LRRC56: variants seen among roughly 807,000 people sequenced by gnomAD.
LRRC56 encodes the protein leucine-rich repeat-containing protein 56.
In LRRC56, 41 loss-of-function variants were observed where a neutral mutation model predicts 47.8. That is an observed-to-expected ratio of 0.86 (90% confidence interval 0.67 to 1.11). LRRC56 has a LOEUF of 1.11. LRRC56 is among the 50% of genes most tolerant of loss of function. The pLI, the probability that LRRC56 is intolerant of heterozygous loss-of-function variation, is 0.00. For synonymous variants in LRRC56, 387 were observed against 311.2 expected (o/e 1.24, Z -2.56); for missense variants, 759 against 704.2 (o/e 1.08, Z -0.88).
Position 552,076 on chromosome 11 carries a change from CT to C in LRRC56, c.1039-10del. On this transcript the variant is annotated splice_polypyrimidine_tract_variant and intron_variant, in intron 11 of 13. Transcript: ENST00000270115. ...AGGGCCAGAATCCCTAAAGCAGTCC[CT>C]TTTCCTCCCCAGGCCAGGGAGCCCC... is the stretch of plus-strand genomic sequence containing the variant. 1 of 1,608,616 alleles carries C rather than the reference CT, an allele frequency of 6.2e-7. No individual in the cohort carries two copies. Among genetic ancestry groups the C allele is most frequent in the East Asian group, 2.2e-5 (1 of 44,740 alleles).
At chr11:510,770 G>A in the LRRC56 span, among the ~76,000 whole-genome samples, 5 of 151,294 alleles carry the variant, frequency 3.3e-5, no homozygotes, top group Admixed American at 1.3e-4. Flanking sequence ...TGAGCTGGGC[G>A]TGGTGGCCTG....
chr11:526,048 G>C, the LRRC56 span, among the ~76,000 whole-genome samples: 2 of 150,870 alleles, frequency 1.3e-5, no homozygotes, highest in Non-Finnish European at 3.0e-5. Flanking sequence ...TCTACTAAAA[G>C]TATAAAAAAT....
upstream of LRRC56, chr11:534,073 C>T: frequency 1.7e-6 from 2 of 1,183,172 alleles, no homozygotes; most frequent in Admixed American, 1.8e-5. Context: ...AGACGAGGGA[C>T]TCCCCTCCTC....
chr11:545,319 C>G (rs1297586326), intron 6 of LRRC56, among the ~76,000 whole-genome samples: 1 of 152,236 alleles, frequency 6.6e-6, no homozygotes, highest in African/African-American at 2.4e-5. Flanking sequence ...CAAAGCCAAC[C>G]AAGGACTGGG....
chr11:521,732 A>G, the LRRC56 span, among the ~76,000 whole-genome samples: 31 of 152,220 alleles, frequency 2.0e-4, no homozygotes, highest in Admixed American at 2.6e-4. Context: ...GGCTAACACG[A>G]TGAAACCCCG....
At chr11:521,680 C>T in the LRRC56 span, among the ~76,000 whole-genome samples, 2 of 152,108 alleles carry the variant, frequency 1.3e-5, no homozygotes, top group African/African-American at 2.4e-5. Flanking sequence ...TTTGGGAGAC[C>T]GAGGCGGGCA....
chr11:515,486 A>G, the LRRC56 span, among the ~76,000 whole-genome samples: 1 of 152,200 alleles, frequency 6.6e-6, no homozygotes, highest in Non-Finnish European at 1.5e-5. Context: ...TCACACTGAC[A>G]TCCTCCTTTT....
rs1453356054 is a variant in LRRC56, at chr11:554,325, A to T, written c.*49A>T. On this transcript the variant is annotated 3_prime_UTR_variant, in exon 14 of 14. Coordinates refer to ENST00000270115, the MANE Select transcript of LRRC56 (RefSeq NM_198075.4). ...CCTGTGCTGGGGCCACGACTTGCCC[A>T]CATATGTGGTCACAGAGCACAGAAT... 6 of 1,430,618 alleles carry T rather than the reference A, an allele frequency of 4.2e-6. No homozygotes were observed. The highest frequency in any genetic ancestry group is 4.9e-5 in the Admixed American group (2 of 40,490). The allele number at this position is 1,430,618 out of a possible 1,614,324, so 88.6% of individuals were successfully genotyped here. A position where few individuals can be genotyped will look rare whatever the true frequency, so the allele number is the denominator to read the frequency against.
At chr11:513,873 A>G in the LRRC56 span, among the ~76,000 whole-genome samples, 8 of 151,376 alleles carry the variant, frequency 5.3e-5, no homozygotes, top group African/African-American at 1.2e-4. Context: ...GCCTTCAGCC[A>G]CCACCACCCT....
intron 5 of LRRC56, among the ~76,000 whole-genome samples, chr11:544,387 T>A (rs1851967568): frequency 6.6e-6 from 1 of 152,194 alleles, no homozygotes. Context: ...TGAGCTTCCC[T>A]GCTGTGTGGA....
chr11:527,698 A>ATT, the LRRC56 span, among the ~76,000 whole-genome samples: 16,715 of 111,376 alleles, frequency 0.15, 1,601 homozygotes, highest in African/African-American at 0.25. Flanking sequence ...CGCCCGGCTA[A>ATT]TTTTTTTTTT....
At chr11:544,619 G>A in intron 5 of LRRC56, 101 bp from the exon 6 acceptor site, 1 of 1,225,082 alleles carries the variant, frequency 8.2e-7, no homozygotes, top group Non-Finnish European at 1.2e-6. Context: ...TGGCCCACGA[G>A]CAGTGAGGGG....
chr11:511,743 T>C, the LRRC56 span, among the ~76,000 whole-genome samples: 1 of 152,102 alleles, frequency 6.6e-6, no homozygotes, highest in African/African-American at 2.4e-5. Context: ...GGCGTGACCC[T>C]CTCCTTCCCT....
chr11:513,062 T>A, the LRRC56 span, among the ~76,000 whole-genome samples: 2 of 152,254 alleles, frequency 1.3e-5, no homozygotes, highest in Non-Finnish European at 2.9e-5. Flanking sequence ...CCTGAGCTGC[T>A]GCTCTCAGCA....
upstream of LRRC56, chr11:534,151 G>T: frequency 1.5e-6 from 2 of 1,375,284 alleles, no homozygotes; most frequent in Non-Finnish European, 2.1e-6. Context: ...GCCCTATCCT[G>T]GCTGTGTCCT....
upstream of LRRC56, chr11:533,730 C>T (rs1331302548): frequency 1.9e-6 from 3 of 1,611,486 alleles, no homozygotes; most frequent in Non-Finnish European, 2.5e-6. Flanking sequence ...CCCACCTGTG[C>T]GGCGTGGGCT....
At chr11:519,106 A>T in the LRRC56 span, among the ~76,000 whole-genome samples, 6 of 152,216 alleles carry the variant, frequency 3.9e-5, no homozygotes, top group African/African-American at 1.4e-4. Flanking sequence ...GGCTTTTCTC[A>T]GGTAAGAACT....
the LRRC56 span, among the ~76,000 whole-genome samples, chr11:517,193 C>T: frequency 0.084 from 12,729 of 152,296 alleles, 530 homozygotes; most frequent in Middle Eastern, 0.15. Flanking sequence ...GATCTCAGCT[C>T]GCCACAACCT....
At chr11:534,268 G>A (rs2133994674), upstream of LRRC56, 2 of 1,613,620 alleles carry the variant, frequency 1.2e-6, no homozygotes, top group Non-Finnish European at 1.7e-6. Flanking sequence ...TGGATGGTCA[G>A]CGCACTCTTG....
Sources: gnomAD v4.1 joint callset for allele counts (sites outside exome capture counted in the v4.1 genomes callset) on GRCh38, gnomAD v4.1.1 for gene constraint, MANE v1.5 for transcripts, NCBI Gene and HGNC (gene_info 2026-07-23, HGNC 2026-07-21) for gene names.